The following WNK2 variants were observed in gnomAD, a reference collection of about 807,000 sequenced individuals.
The protein encoded by WNK2 is WNK lysine deficient protein kinase 2, also known as serine/threonine-protein kinase WNK2.
WNK2 carries 67 observed loss-of-function variants against 192.1 expected under a neutral mutation model. The ratio of observed to expected loss-of-function variants is 0.35; its 90% CI spans 0.29 to 0.43. WNK2 has a LOEUF of 0.43. Ranked by LOEUF, WNK2 falls within the 20% of genes least tolerant of loss-of-function variation. The probability of loss-of-function intolerance (pLI) is 1.00; values close to 1 mark genes in which losing one functional copy is unlikely to be tolerated. For synonymous variants in WNK2, 1,439 were observed against 1,393.9 expected (o/e 1.03, Z -0.72); for missense variants, 2,698 against 3,089.7 (o/e 0.87, Z 3.01).
intron 9 of WNK2, among the ~76,000 whole-genome samples, chr9:93,254,670 A>G (rs1441609425): frequency 6.6e-6 from 1 of 152,198 alleles, no homozygotes; most frequent in African/African-American, 2.4e-5. Context: ...GAACTCATTT[A>G]AGGAAAGGCG....
At position 93,261,820 on chromosome 9, in the gene WNK2, C is replaced by T. The variant is rs757605124; in HGVS notation, c.3073C>T (p.Leu1025Phe). Residue 1025 changes from leucine (L) to phenylalanine (F), a missense_variant, in exon 13 of 30, where the codon CTT becomes TTT. Physicochemically the swap from Leu to Phe is conservative, Grantham distance 22. Around this residue, in one of 7 missense-constraint regions of WNK2, gnomAD observed 893 missense variants for 909.0 expected, o/e 0.98. Coordinates refer to ENST00000427277, the MANE Select transcript of WNK2 (RefSeq NM_006648.4). ...PAATPGSQIL[L>F]GHPAPYAVDV... Reference sequence around the variant, plus strand: ...TTGTCCCCTGTGCCCCCAGATTCTGCTTGGCCACCCAGCTCCCTATGCTGT... The same window carrying T: ...TTGTCCCCTGTGCCCCCAGATTCTGTTTGGCCACCCAGCTCCCTATGCTGT... 43 of 1,586,560 alleles carry T rather than the reference C, an allele frequency of 2.7e-5. No individual in the cohort carries two copies. Among genetic ancestry groups the T allele is most frequent in the Non-Finnish European group, 3.5e-5 (41 of 1,169,948 alleles).
rs139470315 is a variant in WNK2 at position 93,259,029 on chromosome 9, C to T, written c.2481C>T (p.Pro827=). Residue 827 remains proline (P), a synonymous_variant, in exon 12 of 30, where the codon CCC becomes CCT. Coordinates refer to ENST00000427277, the MANE Select transcript of WNK2 (RefSeq NM_006648.4). The surrounding 1 kb of genome is among the most constrained non-coding windows in gnomAD (Gnocchi z 4.8). ...ACCTGCCGACCGCGACTGTGCCTCC[C>T]GTGCCACCACCTCAGTATTTCTCTC... ...LPDLPTATVP[P]VPPPQYFSPA... 1,774 of 1,613,006 alleles carry T rather than the reference C, an allele frequency of 1.1e-3. 21 individuals carry two copies. The African/African-American group carries it at 0.018, about 17-fold the overall frequency.
chr9:93,226,800 G>C (rs1448073268), intron 2 of WNK2, among the ~76,000 whole-genome samples: 2 of 152,186 alleles, frequency 1.3e-5, no homozygotes, highest in Non-Finnish European at 1.5e-5. Context: ...AGAGGCAGGA[G>C]CATGCTCCTT....
chr9:93,293,209 CT>C (rs1312870996), intron 23 of WNK2, 36 bp downstream of exon 23: 4 of 1,410,724 alleles, frequency 2.8e-6, no homozygotes, highest in Non-Finnish European at 3.7e-6. Flanking sequence ...GCCCCCGCCC[CT>C]GGGCCATGGC....
intron 19 of WNK2, among the ~76,000 whole-genome samples, chr9:93,276,674 A>G (rs1412972392): frequency 6.6e-6 from 1 of 152,252 alleles, no homozygotes; most frequent in Non-Finnish European, 1.5e-5. Flanking sequence ...CAAATCACAT[A>G]TCCAACATAG....
rs149267197 is a variant in WNK2 at position 93,194,861 on chromosome 9, A to G, written c.681+9251A>G. ...AACTGTGGCACATGCAGACAATGCA[A>G]TCTTATTTAGTGCTAAAAGAAATGA... On this transcript the variant is annotated intron_variant, in intron 2 of 29. Transcript: ENST00000427277. Among the ~76,000 whole-genome samples the G allele has an allele frequency of 4.2e-3, 636 of 152,332 alleles. 5 individuals carry two copies. The highest frequency in any genetic ancestry group is 0.014 in the African/African-American group (590 of 41,566).
chr9:93,256,869 T>C, intron 10 of WNK2, 79 bp from the exon 11 acceptor site: 3 of 1,336,332 alleles, frequency 2.2e-6, no homozygotes, highest in Non-Finnish European at 3.0e-6. Context: ...AGGGTTGATA[T>C]CCTGTCATGT....
Position 93,294,482 on chromosome 9 carries a change from C to A in WNK2, c.5708+1309C>A, listed in dbSNP as rs138444311. On this transcript the variant is annotated intron_variant, in intron 23 of 29. Transcript: ENST00000427277. ...TAGAACCTTTTGGGATAGAGGGCAG[C>A]AGATCCTGGGCACATTTGCTCAGCA... 5.0e-3 allele frequency among the ~76,000 whole-genome samples: 762 copies of A among 152,320 alleles called. 4 individuals are homozygous for A. Among genetic ancestry groups the A allele is most frequent in the Middle Eastern group, 0.017 (5 of 294 alleles).
At chr9:93,242,943 T>C (rs978098232) in intron 7 of WNK2, among the ~76,000 whole-genome samples, 3 of 152,128 alleles carry the variant, frequency 2.0e-5, no homozygotes, top group Admixed American at 2.0e-4. Context: ...CTTCCATGAA[T>C]GTGGTTATGC....
At chr9:93,318,011 A>T (rs773061059) in intron 29 of WNK2, 2 of 1,612,604 alleles carry the variant, frequency 1.2e-6, no homozygotes, top group Non-Finnish European at 8.5e-7. Flanking sequence ...GCGGCTTCAG[A>T]CCCTGTTCGC....
At chr9:93,267,716 G>A in intron 16 of WNK2, 30 bp from the exon 17 acceptor site, 1 of 1,536,008 alleles carries the variant, frequency 6.5e-7, no homozygotes, top group Non-Finnish European at 8.8e-7. Context: ...CCTTGCAGCT[G>A]GTCCTCACTG....
chr9:93,317,890 G>A (rs762506493), intron 29 of WNK2: 9 of 1,578,328 alleles, frequency 5.7e-6, no homozygotes, highest in East Asian at 4.5e-5. Context: ...CCTCGGAACC[G>A]CCCGGAGAAA....
At chr9:93,211,424 T>C (rs918195007) in intron 2 of WNK2, among the ~76,000 whole-genome samples, 4 of 145,662 alleles carry the variant, frequency 2.7e-5, no homozygotes, top group Admixed American at 6.8e-5. Flanking sequence ...CACCACTCAT[T>C]CACTCACCCA....
In WNK2 at chr9:93,263,734, C is replaced by A; in HGVS notation, c.3579C>A (p.Asn1193Lys). Reference sequence around the variant, plus strand: ...GCCGGCCCCGGCTTACCATCTTGAACGTGAGTGGGCGGGGCGTGGCGGGGG... The same window carrying A: ...GCCGGCCCCGGCTTACCATCTTGAAAGTGAGTGGGCGGGGCGTGGCGGGGG... The part of the protein sequence containing the change: ...RASRPRLTIL[N>K]VCNTGDKMVE... The change falls in exon 15 of 30, where the codon AAC becomes AAA. Residue 1193 changes from asparagine (N) to lysine (K), a missense_variant and splice_region_variant. By Grantham distance (94) the Asn-to-Lys change is moderately conservative. Coordinates refer to ENST00000427277, the MANE Select transcript of WNK2 (RefSeq NM_006648.4). 1 of 1,414,710 alleles carries A rather than the reference C, an allele frequency of 7.1e-7. No homozygotes were observed. 87.6% of individuals were successfully genotyped at this position (1,414,710 alleles called of 1,614,324 possible). A position where few individuals can be genotyped will look rare whatever the true frequency, so the allele number is the denominator to read the frequency against.
intron 24 of WNK2, among the ~76,000 whole-genome samples, chr9:93,298,474 G>A (rs1166740460): frequency 5.3e-5 from 8 of 152,198 alleles, no homozygotes; most frequent in Admixed American, 5.2e-4. Context: ...GAGGACGGGA[G>A]GACGGTGATG....
intron 14 of WNK2, 148 bp from the exon 15 acceptor site, chr9:93,263,418 G>A (rs1844609484): frequency 2.3e-6 from 2 of 881,274 alleles, no homozygotes; most frequent in South Asian, 1.6e-5. Context: ...AAGCAGGCTT[G>A]GGGTATTCGC....
At chr9:93,267,652 C>T (rs1029774877) in intron 16 of WNK2, 94 bp from the exon 17 acceptor site, 4 of 1,381,558 alleles carry the variant, frequency 2.9e-6, no homozygotes, top group East Asian at 2.5e-5. Flanking sequence ...TCCCTTGGGG[C>T]CTGGTACAGG....
In WNK2 at chr9:93,261,839, A is replaced by G. The variant is rs1407241127; in HGVS notation, c.3092A>G (p.Tyr1031Cys). Residue 1031 changes from tyrosine to cysteine, a missense_variant, in exon 13 of 30, where the codon TAT becomes TGT. By Grantham distance (194) the Tyr-to-Cys change is radical. This residue lies in a region of WNK2 where 893 missense variants were observed against 909.0 expected (regional missense o/e 0.98). Transcript: ENST00000427277. Reference protein sequence around the residue: ...SQILLGHPAPYAVDVAAQVPT... With the variant: ...SQILLGHPAPCAVDVAAQVPT... ...ATTCTGCTTGGCCACCCAGCTCCCT[A>G]TGCTGTGGACGTCGCCGCTCAGGTC... is the stretch of plus-strand genomic sequence containing the variant. 1.3e-6 allele frequency: 2 copies of G among 1,596,892 alleles called. No individual in the cohort carries two copies. Among genetic ancestry groups the G allele is most frequent in the South Asian group, 1.1e-5 (1 of 90,938 alleles).
chr9:93,204,944 C>CTCA (rs1833105318), intron 2 of WNK2, among the ~76,000 whole-genome samples: 1 of 152,170 alleles, frequency 6.6e-6, no homozygotes, highest in Non-Finnish European at 1.5e-5. Flanking sequence ...GGCTGAAGAG[C>CTCA]TCATCATGCT....
Sources: allele counts gnomAD v4.1 joint callset (sites outside exome capture counted in the v4.1 genomes callset), GRCh38; gene constraint gnomAD v4.1.1; regional missense constraint gnomAD v4.1.1; non-coding constraint Gnocchi (gnomAD v3.1); transcripts MANE v1.5; gene names NCBI Gene and HGNC (gene_info 2026-07-23, HGNC 2026-07-21).